The following ARHGAP29 variants were observed in gnomAD, a reference collection of about 807,000 sequenced individuals.
ARHGAP29 encodes rho GTPase-activating protein 29.
In ARHGAP29, 43 loss-of-function variants were observed where a neutral mutation model predicts 122.6. The ratio of observed to expected loss-of-function variants is 0.35; its 90% CI spans 0.27 to 0.45. The LOEUF is 0.45. Among genes scored for constraint, ARHGAP29 ranks in the 20% least tolerant of loss-of-function variants. The pLI is 1.00. For missense variants in ARHGAP29, 1,303 were observed against 1,477.2 expected (o/e 0.88, Z 1.93); for synonymous variants, 506 against 497.1 (o/e 1.02, Z -0.24).
chr1:94,204,136 C>A, intron 7 of ARHGAP29, 142 bp from the exon 8 acceptor site: 7 of 468,308 alleles, frequency 1.5e-5, no homozygotes, highest in Non-Finnish European at 2.2e-5. Flanking sequence ...AGCAATACTT[C>A]TTTCTTCCTT....
Position 94,174,408 on chromosome 1 carries a change from TG to T in ARHGAP29, c.3246del (p.Asp1082GlufsTer9). ...FDQQTLQKIQ[D>X]KQYEQNSLTA... ...GTTAGGCTGTTTTGTTCATACTGTT[TG>T]TCCTGAATTTTCTGTAGAGTTTGCT... On this transcript the variant is annotated frameshift_variant, in exon 23 of 23. Coordinates refer to ENST00000260526, the MANE Select transcript of ARHGAP29 (RefSeq NM_004815.4). LOFTEE classifies it low-confidence loss of function (END_TRUNC). 1 of 1,614,230 alleles carries T rather than the reference TG, an allele frequency of 6.2e-7. No homozygotes were observed. The highest frequency in any genetic ancestry group is 8.5e-7 in the Non-Finnish European group (1 of 1,180,040).
At chr1:94,224,997 G>T (rs564549874) in intron 2 of ARHGAP29, among the ~76,000 whole-genome samples, 66 of 152,216 alleles carry the variant, frequency 4.3e-4, no homozygotes, top group South Asian at 3.5e-3. Flanking sequence ...CAACAGAAAT[G>T]AACATGATGA....
chr1:94,282,052 G>C, the ARHGAP29 span, among the ~76,000 whole-genome samples: 10 of 151,938 alleles, frequency 6.6e-5, no homozygotes, highest in Admixed American at 4.6e-4. Context: ...CCTTGAAGTT[G>C]GCAGACAATC....
intron 1 of ARHGAP29, among the ~76,000 whole-genome samples, chr1:94,234,619 T>C (rs555771121): frequency 6.6e-6 from 1 of 152,226 alleles, no homozygotes; most frequent in African/African-American, 2.4e-5. Context: ...ACATTAATCC[T>C]TATATGCATA....
At chr1:94,302,821 G>T in the ARHGAP29 span, 1 of 242,926 alleles carries the variant, frequency 4.1e-6, no homozygotes, top group South Asian at 4.2e-5. Context: ...CATCGGAGGG[G>T]GCCATCGGGG....
intron 1 of ARHGAP29, among the ~76,000 whole-genome samples, chr1:94,236,128 C>T (rs1653236753): frequency 6.6e-6 from 1 of 152,152 alleles, no homozygotes; most frequent in African/African-American, 2.4e-5. Flanking sequence ...ATGATTAAAT[C>T]TTTATGGTTT....
intron 3 of ARHGAP29, among the ~76,000 whole-genome samples, chr1:94,211,736 CT>C (rs2101551564): frequency 1.3e-5 from 2 of 152,142 alleles, no homozygotes; most frequent in South Asian, 2.1e-4. Flanking sequence ...AAATAACACA[CT>C]TTTATTTTTT....
At chr1:94,280,245 A>G in the ARHGAP29 span, among the ~76,000 whole-genome samples, 1 of 152,042 alleles carries the variant, frequency 6.6e-6, no homozygotes, top group South Asian at 2.1e-4. Flanking sequence ...GAAGCCTCCA[A>G]CCTTTCCATC....
Position 94,169,725 on chromosome 1 carries a change from G to C in ARHGAP29, c.*4144C>G, listed in dbSNP as rs1474902799. 2.0e-5 allele frequency among the ~76,000 whole-genome samples: 3 copies of C among 151,996 alleles called. No individual in the cohort carries two copies. Among genetic ancestry groups the C allele is most frequent in the Non-Finnish European group, 4.4e-5 (3 of 68,008 alleles). On this transcript the variant is annotated 3_prime_UTR_variant, in exon 23 of 23. Coordinates refer to ENST00000260526, the MANE Select transcript of ARHGAP29 (RefSeq NM_004815.4). ...ACCATTTCCCATTTAAAGAAACCAG[G>C]GCTCCTTGGAAAAAAGGGCTAATTC... is the stretch of plus-strand genomic sequence containing the variant.
At chr1:94,252,928 A>C (rs1412327937) in intron 1 of ARHGAP29, among the ~76,000 whole-genome samples, 1 of 152,126 alleles carries the variant, frequency 6.6e-6, no homozygotes, top group African/African-American at 2.4e-5. Flanking sequence ...AAATTTCATA[A>C]GTTTCAGAAT....
intron 19 of ARHGAP29, among the ~76,000 whole-genome samples, chr1:94,180,843 G>C (rs1649410586): frequency 6.6e-6 from 1 of 152,166 alleles, no homozygotes; most frequent in African/African-American, 2.4e-5. Flanking sequence ...CAGAATGAGA[G>C]CTGATAGTAT....
chr1:94,208,611 C>A (rs552450603), intron 5 of ARHGAP29, among the ~76,000 whole-genome samples: 1 of 151,982 alleles, frequency 6.6e-6, no homozygotes, highest in Non-Finnish European at 1.5e-5. Context: ...AGGTGCCCAC[C>A]ACCATGCCCA....
intron 3 of ARHGAP29, among the ~76,000 whole-genome samples, chr1:94,210,327 T>C (rs1188336032): frequency 6.6e-6 from 1 of 152,232 alleles, no homozygotes; most frequent in Non-Finnish European, 1.5e-5. Flanking sequence ...TGGGGAGTTT[T>C]ATTAATAAAA....
chr1:94,194,998 T>C (rs1180006926), intron 12 of ARHGAP29: 1 of 152,122 alleles, frequency 6.6e-6, no homozygotes, highest in East Asian at 1.9e-4. Context: ...CATGCAACCA[T>C]TGTGGTTATC....
At position 94,208,349 on chromosome 1, in the gene ARHGAP29, T is replaced by C. The variant is rs896450579; in HGVS notation, c.510+483A>G. Among the ~76,000 whole-genome samples, 7 of 152,210 alleles carry C rather than the reference T, an allele frequency of 4.6e-5. No individual in the cohort carries two copies. In the South Asian group the frequency reaches 6.2e-4, roughly 14 times the overall value. On this transcript the variant is annotated intron_variant, in intron 5 of 22. Coordinates refer to ENST00000260526, the MANE Select transcript of ARHGAP29 (RefSeq NM_004815.4). The stretch of plus-strand genomic sequence containing the variant: ...ATAAGTCCCTGATGCAGTTTTTTAA[T>C]GTATTTTGTTTGCATTCAGCAAAAA...
Position 94,179,887 on chromosome 1 carries a change from A to C in ARHGAP29, c.2318T>G (p.Val773Gly), listed in dbSNP as rs1447600070. The part of the protein sequence containing the change: ...FIDLAKEIQH[V>G]NEEQETKKNS... ...CTTTTTTGTCTCTTGTTCTTCATTT[A>C]CATGTTGGATCTCTTTTGCAAGGTC... The change falls in exon 20 of 23, where the codon GTA (valine) becomes GGA (glycine). Residue 773 changes from valine (V) to glycine (G), a missense_variant. Physicochemically the swap from Val to Gly is moderately radical, Grantham distance 109. Transcript: ENST00000260526. The C allele has an allele frequency of 8.7e-6, 14 of 1,613,098 alleles. No homozygotes were observed. In the East Asian group the frequency reaches 1.3e-4, roughly 15 times the overall value.
the ARHGAP29 span, among the ~76,000 whole-genome samples, chr1:94,286,222 G>T: frequency 2.0e-5 from 3 of 152,186 alleles, no homozygotes; most frequent in East Asian, 5.8e-4. Context: ...TTTTTATAAG[G>T]CCACCAACAC....
At chr1:94,288,016 C>A in the ARHGAP29 span, among the ~76,000 whole-genome samples, 1 of 152,036 alleles carries the variant, frequency 6.6e-6, no homozygotes, top group African/African-American at 2.4e-5. Flanking sequence ...GGGTATATAC[C>A]CAGTAATGGG....
In ARHGAP29 at chr1:94,168,974, T is replaced by C. The variant is rs1425765794; in HGVS notation, c.*4895A>G. Among the ~76,000 whole-genome samples the C allele has an allele frequency of 1.3e-5, 2 of 152,214 alleles. No homozygotes were observed. Among genetic ancestry groups the C allele is most frequent in the African/African-American group, 2.4e-5 (1 of 41,454 alleles). ...ATTTTATGGATGCAGAGTAGATTGGTTGAGTGTGAGGACACTTAAAAATAG... is the reference window on the plus strand; with the variant it reads ...ATTTTATGGATGCAGAGTAGATTGGCTGAGTGTGAGGACACTTAAAAATAG... On this transcript the variant is annotated 3_prime_UTR_variant, in exon 23 of 23. Coordinates refer to ENST00000260526, the MANE Select transcript of ARHGAP29 (RefSeq NM_004815.4).
Sources: gnomAD v4.1 joint callset for allele counts (sites outside exome capture counted in the v4.1 genomes callset) on GRCh38, gnomAD v4.1.1 for gene constraint, MANE v1.5 for transcripts, NCBI Gene and HGNC (gene_info 2026-07-23, HGNC 2026-07-21) for gene names.